The following COLEC10 variants were observed in gnomAD, a reference collection of about 807,000 sequenced individuals.
COLEC10 encodes the protein collectin-10.
Under a neutral mutation model 28.4 loss-of-function variants are expected in COLEC10, and 22 were observed. The ratio of observed to expected loss-of-function variants is 0.78; its 90% confidence interval spans 0.55 to 1.11. The LOEUF (loss-of-function observed/expected upper bound fraction) is 1.11, where lower values mean the gene tolerates loss of function less well. COLEC10 is among the 50% of genes least tolerant of loss of function. The pLI is 0.00. For missense variants in COLEC10, 361 were observed against 344.1 expected, an observed-to-expected ratio of 1.05 and a Z score of -0.39; for synonymous variants, 125 against 116.1, an observed-to-expected ratio of 1.08 and a Z score of -0.49.
chr8:119,070,437 TTCTCCCTCGCTC>T (rs1169187534), intron 1 of COLEC10, among the ~76,000 whole-genome samples: 3,164 of 116,650 alleles, frequency 0.027, 288 homozygotes, highest in African/African-American at 0.13. Context: ...AAATGAAATG[TTCTCCCTCGCTC>T]TCTCTCTCTC....
At position 119,043,421 on chromosome 8, in the gene COLEC10, G is replaced by A. The variant is rs182945838; in HGVS notation, n.235+33868G>A. Among the ~76,000 whole-genome samples the A allele has an allele frequency of 4.6e-5, 7 of 152,250 alleles. No individual in the cohort carries two copies. In the East Asian group the frequency reaches 5.8e-4, roughly 13 times the overall value. On this transcript the variant is annotated intron_variant and non_coding_transcript_variant, in intron 2 of 6. Transcript: ENST00000521788. ...CTGTAACCAAGAGCAACCAGACAGC[G>A]TCTATTGTGACTTTGCCACATGAGA... is the stretch of plus-strand genomic sequence containing the variant.
At chr8:119,023,879 G>T (rs937031250) in intron 2 of COLEC10, among the ~76,000 whole-genome samples, 2 of 151,588 alleles carry the variant, frequency 1.3e-5, no homozygotes, top group Non-Finnish European at 1.5e-5. Flanking sequence ...CACGTGTTTT[G>T]GTTTTAGAAG....
At chr8:118,953,565 T>C in the COLEC10 span, among the ~76,000 whole-genome samples, 2 of 152,332 alleles carry the variant, frequency 1.3e-5, no homozygotes, top group African/African-American at 4.8e-5. Flanking sequence ...GGGAAAGGTT[T>C]ACGTCTCCCT....
chr8:119,053,117 A>G (rs1431440963), intron 2 of COLEC10, among the ~76,000 whole-genome samples: 1 of 151,972 alleles, frequency 6.6e-6, no homozygotes, highest in African/African-American at 2.4e-5. Context: ...TACAATAATA[A>G]CTCTGTTATC....
the COLEC10 span, among the ~76,000 whole-genome samples, chr8:118,985,290 T>TA: frequency 6.6e-6 from 1 of 151,180 alleles, no homozygotes; most frequent in Non-Finnish European, 1.5e-5. Flanking sequence ...AGGTCCTCCT[T>TA]AAAAAAAAAT....
intron 5 of COLEC10, among the ~76,000 whole-genome samples, chr8:119,105,547 T>G (rs1815919636): frequency 6.6e-6 from 1 of 152,110 alleles, no homozygotes; most frequent in Admixed American, 6.6e-5. Flanking sequence ...GTAACATGTC[T>G]TTGTCAACTT....
chr8:119,073,003 C>A (rs968308309), intron 1 of COLEC10, among the ~76,000 whole-genome samples: 4 of 152,186 alleles, frequency 2.6e-5, no homozygotes, highest in Non-Finnish European at 4.4e-5. Context: ...TTTGTGACTT[C>A]CCCAAACGGA....
chr8:118,955,905 A>G, the COLEC10 span, among the ~76,000 whole-genome samples: 1 of 152,238 alleles, frequency 6.6e-6, no homozygotes, highest in South Asian at 2.1e-4. Context: ...AACCATACAA[A>G]GCACTAGAGA....
At chr8:118,957,458 G>GTGGCT in the COLEC10 span, among the ~76,000 whole-genome samples, 1 of 152,132 alleles carries the variant, frequency 6.6e-6, no homozygotes, top group Non-Finnish European at 1.5e-5. Flanking sequence ...AACACATGAG[G>GTGGCT]TGGCCCAAGG....
At chr8:119,092,703 T>C (rs1815632506) in intron 3 of COLEC10, among the ~76,000 whole-genome samples, 1 of 152,032 alleles carries the variant, frequency 6.6e-6, no homozygotes, top group Non-Finnish European at 1.5e-5. Context: ...GTCAGGAGTT[T>C]GAGACAAGCC....
the COLEC10 span, among the ~76,000 whole-genome samples, chr8:118,958,523 G>A: frequency 1.6e-4 from 24 of 152,216 alleles, no homozygotes; most frequent in South Asian, 4.4e-3. Context: ...ATGCCTCCTC[G>A]GCAAGAAAAA....
At chr8:119,046,998 G>A (rs1254721038) in intron 2 of COLEC10, among the ~76,000 whole-genome samples, 5 of 152,146 alleles carry the variant, frequency 3.3e-5, no homozygotes, top group African/African-American at 1.2e-4. Flanking sequence ...ACTCAGCTAA[G>A]AATGTGATGA....
rs549521777 is a variant in COLEC10 at position 119,093,829 on chromosome 8, A to G, written c.292+2609A>G. On this transcript the variant is annotated intron_variant, in intron 3 of 5. Transcript: ENST00000332843. Reference sequence around the variant, plus strand: ...GTACAATTCCACCTCCTAAAAACTAATTTGTGCGTCCTTAAGTGATATTTC... The same window carrying G: ...GTACAATTCCACCTCCTAAAAACTAGTTTGTGCGTCCTTAAGTGATATTTC... 6.6e-5 allele frequency among the ~76,000 whole-genome samples: 10 copies of G among 152,236 alleles called. No individual in the cohort carries two copies. The East Asian group carries it at 1.7e-3, about 26-fold the overall frequency.
the COLEC10 span, among the ~76,000 whole-genome samples, chr8:118,989,373 G>A: frequency 1.0e-3 from 158 of 152,124 alleles, no homozygotes; most frequent in Middle Eastern, 6.8e-3. Context: ...ATCAAAAGGT[G>A]TAATGCCTAT....
chr8:118,991,603 A>G (rs1586985675), upstream of COLEC10, among the ~76,000 whole-genome samples: 1 of 152,062 alleles, frequency 6.6e-6, no homozygotes, highest in Non-Finnish European at 1.5e-5. Context: ...ACCATAATAC[A>G]TTGTTTTGAA....
chr8:119,049,052 T>C (rs1028896978), intron 2 of COLEC10, among the ~76,000 whole-genome samples: 1 of 152,164 alleles, frequency 6.6e-6, no homozygotes, highest in African/African-American at 2.4e-5. Context: ...CCCTCAGCAT[T>C]TGTTTGTCTG....
chr8:119,079,827 G>A (rs988038172), intron 1 of COLEC10, among the ~76,000 whole-genome samples: 1 of 151,978 alleles, frequency 6.6e-6, no homozygotes, highest in Non-Finnish European at 1.5e-5. Context: ...TGGGTCCCTG[G>A]AATTGATAGG....
At chr8:118,961,585 C>A in the COLEC10 span, among the ~76,000 whole-genome samples, 1 of 152,192 alleles carries the variant, frequency 6.6e-6, no homozygotes, top group Non-Finnish European at 1.5e-5. Context: ...TTGTTGATTT[C>A]TTGGCCTGCC....
chr8:118,998,113 A>G (rs916964951), intron 1 of COLEC10, among the ~76,000 whole-genome samples: 6 of 152,206 alleles, frequency 3.9e-5, no homozygotes, highest in Non-Finnish European at 7.3e-5. Flanking sequence ...CATCTATAAA[A>G]TAAAAATTAT....
Sources: gnomAD v4.1 joint callset for allele counts (sites outside exome capture counted in the v4.1 genomes callset) on GRCh38, gnomAD v4.1.1 for gene constraint, MANE v1.5 for transcripts, NCBI Gene and HGNC (gene_info 2026-07-23, HGNC 2026-07-21) for gene names.